The following KATNAL1 variants were observed in gnomAD, a reference collection of about 807,000 sequenced individuals.
KATNAL1 encodes the protein katanin catalytic subunit A1 like 1, also known as katanin p60 ATPase-containing subunit A-like 1.
Under a neutral mutation model 55.2 loss-of-function variants are expected in KATNAL1, and 32 were observed. The observed-to-expected ratio is 0.58, with a 90% confidence interval of 0.44 to 0.78. KATNAL1 has a LOEUF of 0.78. Ranked by LOEUF, KATNAL1 falls within the 30% of genes least tolerant of loss-of-function variation. The probability of loss-of-function intolerance (pLI) is 0.00; values close to 1 mark genes in which losing one functional copy is unlikely to be tolerated. For missense variants in KATNAL1, 466 were observed against 600.9 expected (o/e 0.78, Z 2.35); for synonymous variants, 193 against 193.6 (o/e 1.00, Z 0.02).
intron 1 of KATNAL1, among the ~76,000 whole-genome samples, chr13:30,289,050 T>C (rs890504113): frequency 1.3e-5 from 2 of 152,202 alleles, no homozygotes; most frequent in Non-Finnish European, 2.9e-5. Flanking sequence ...TTATAACACA[T>C]CTTAGCAGAC....
At chr13:30,285,649 T>G (rs1390674692) in intron 1 of KATNAL1, among the ~76,000 whole-genome samples, 2 of 152,196 alleles carry the variant, frequency 1.3e-5, no homozygotes, top group African/African-American at 2.4e-5. Flanking sequence ...AGGAGTGGTG[T>G]GCTGCTACAA....
chr13:30,204,799 G>A lies in KATNAL1; in HGVS notation c.*3741C>T, dbSNP rs1347327482. 6.6e-6 allele frequency: 1 copy of A among 152,090 alleles called. No homozygotes were observed. Among genetic ancestry groups the A allele is most frequent in the African/African-American group, 2.4e-5 (1 of 41,406 alleles). 9.4% of individuals were successfully genotyped at this position (152,090 alleles called of 1,614,324 possible). On this transcript the variant is annotated 3_prime_UTR_variant, in exon 11 of 11. Coordinates refer to ENST00000380615, the MANE Select transcript of KATNAL1 (RefSeq NM_032116.5). ...ATCTCAGAAGCTGAAATTAAGCCCT[G>A]AGCTATACAGCTAGACCACCGCATG...
intron 9 of KATNAL1, among the ~76,000 whole-genome samples, chr13:30,224,653 A>G (rs1875259876): frequency 6.6e-6 from 1 of 152,178 alleles, no homozygotes; most frequent in Non-Finnish European, 1.5e-5. Flanking sequence ...TTTAACAGAG[A>G]AGAAATCATT....
At chr13:30,274,907 G>GCGCGCGCACACACACA (rs869107567) in intron 3 of KATNAL1, among the ~76,000 whole-genome samples, 10 of 105,392 alleles carry the variant, frequency 9.5e-5, no homozygotes, top group African/African-American at 1.2e-4. Context: ...GCGCGCGCGC[G>GCGCGCGCACACACACA]CACACACACA....
At chr13:30,278,588 G>A (rs995719060) in intron 3 of KATNAL1, among the ~76,000 whole-genome samples, 3 of 152,266 alleles carry the variant, frequency 2.0e-5, no homozygotes, top group South Asian at 2.1e-4. Flanking sequence ...TATTATCTGC[G>A]GACACTGCTG....
intron 3 of KATNAL1, among the ~76,000 whole-genome samples, chr13:30,265,937 A>C (rs575377466): frequency 1.2e-3 from 172 of 142,220 alleles, no homozygotes; most frequent in Non-Finnish European, 2.0e-3. Flanking sequence ...GCTTGAACCC[A>C]GGAGGTGGAG....
chr13:30,240,452 AT>A lies in KATNAL1; in HGVS notation c.726+7del. 6.3e-7 allele frequency: 1 copy of A among 1,584,208 alleles called. No homozygotes were observed. The highest frequency in any genetic ancestry group is 8.7e-7 in the Non-Finnish European group (1 of 1,153,480). ...TCTTATATCAAAACCAATTTAATAA[AT>A]TCTCACCTTCCATGGCCTTCTAATC... On this transcript the variant is annotated splice_region_variant and intron_variant, in intron 6 of 10. Coordinates refer to ENST00000380615, the MANE Select transcript of KATNAL1 (RefSeq NM_032116.5).
At chr13:30,210,180 A>C in intron 10 of KATNAL1, 136 bp downstream of exon 10, 1 of 597,772 alleles carries the variant, frequency 1.7e-6, no homozygotes, top group African/African-American at 1.9e-5. Flanking sequence ...AAAAGGGACA[A>C]ATGGGAAACC....
chr13:30,291,879 T>C lies in KATNAL1; in HGVS notation c.-14-8088A>G, dbSNP rs960831442. On this transcript the variant is annotated intron_variant, in intron 1 of 10. Coordinates refer to ENST00000380615, the MANE Select transcript of KATNAL1 (RefSeq NM_032116.5). ...GAAGAAACCTCGTCTCTACTAAAAATATAAAACTAGCCGGGTGCGGTGGGG... is the reference window on the plus strand; with the variant it reads ...GAAGAAACCTCGTCTCTACTAAAAACATAAAACTAGCCGGGTGCGGTGGGG... Among the ~76,000 whole-genome samples, 7 of 151,624 alleles carry C rather than the reference T, an allele frequency of 4.6e-5. No individual in the cohort carries two copies. The East Asian group carries it at 9.7e-4, about 21-fold the overall frequency.
intron 3 of KATNAL1, among the ~76,000 whole-genome samples, chr13:30,275,974 T>C (rs1301797017): frequency 6.6e-6 from 1 of 152,184 alleles, no homozygotes; most frequent in African/African-American, 2.4e-5. Context: ...ACTACTTTCA[T>C]GGCTTCAGGT....
chr13:30,224,523 G>C (rs1445386849), intron 9 of KATNAL1, among the ~76,000 whole-genome samples: 1 of 148,672 alleles, frequency 6.7e-6, no homozygotes, highest in Non-Finnish European at 1.5e-5. Context: ...AACAGAGCAA[G>C]ACTCTGTCTC....
chr13:30,211,619 T>C (rs1275175524), intron 9 of KATNAL1, among the ~76,000 whole-genome samples: 1 of 152,194 alleles, frequency 6.6e-6, no homozygotes, highest in Non-Finnish European at 1.5e-5. Context: ...TGTTTTGTCT[T>C]TCATGAAATT....
At chr13:30,302,580 G>A (rs895085270) in intron 1 of KATNAL1, among the ~76,000 whole-genome samples, 6 of 152,108 alleles carry the variant, frequency 3.9e-5, no homozygotes, top group African/African-American at 1.2e-4. Flanking sequence ...AGGAATAAAC[G>A]AGAATAAAGG....
At chr13:30,286,407 A>C (rs1881792066) in intron 1 of KATNAL1, among the ~76,000 whole-genome samples, 1 of 152,272 alleles carries the variant, frequency 6.6e-6, no homozygotes, top group Non-Finnish European at 1.5e-5. Flanking sequence ...GCCAAGGTAC[A>C]ACTCAGGCCA....
At chr13:30,276,763 A>G (rs958211138) in intron 3 of KATNAL1, among the ~76,000 whole-genome samples, 14 of 152,168 alleles carry the variant, frequency 9.2e-5, no homozygotes, top group East Asian at 3.8e-4. Flanking sequence ...CCCACTGAGT[A>G]TATATGCAAA....
Position 30,240,646 on chromosome 13 carries a change from T to C in KATNAL1, c.621-81A>G, listed in dbSNP as rs976972777. On this transcript the variant is annotated intron_variant, in intron 5 of 10. Transcript: ENST00000380615. Reference sequence around the variant, plus strand: ...TCAAAACTAATTCTTTTAATTTTTTTTTACTTATGAAATTATTCTCATAGT... The same window carrying C: ...TCAAAACTAATTCTTTTAATTTTTTCTTACTTATGAAATTATTCTCATAGT... 4.1e-6 allele frequency: 4 copies of C among 968,190 alleles called. No homozygotes were observed. In the Admixed American group the frequency reaches 9.6e-5, roughly 23 times the overall value. The allele number at this position is 968,190 out of a possible 1,614,324, so 60.0% of individuals were successfully genotyped here. A position where few individuals can be genotyped will look rare whatever the true frequency, so the allele number is the denominator to read the frequency against.
At chr13:30,263,878 T>G (rs374873145) in intron 3 of KATNAL1, among the ~76,000 whole-genome samples, 47 of 148,866 alleles carry the variant, frequency 3.2e-4, no homozygotes, top group Admixed American at 8.8e-4. Flanking sequence ...AAAACTACTT[T>G]AAAGTTCATA....
intron 1 of KATNAL1, among the ~76,000 whole-genome samples, chr13:30,295,781 G>T: frequency 6.6e-6 from 1 of 152,200 alleles, no homozygotes; most frequent in South Asian, 2.1e-4. Flanking sequence ...GTTTGGAGAG[G>T]ATTGACTCCA....
intron 1 of KATNAL1, among the ~76,000 whole-genome samples, chr13:30,302,290 T>G (rs1431648838): frequency 1.3e-5 from 2 of 152,202 alleles, no homozygotes; most frequent in Non-Finnish European, 1.5e-5. Context: ...CCTATATACA[T>G]ATAAGAAACA....
Sources: allele counts gnomAD v4.1 joint callset (sites outside exome capture counted in the v4.1 genomes callset), GRCh38; gene constraint gnomAD v4.1.1; transcripts MANE v1.5; gene names NCBI Gene and HGNC (gene_info 2026-07-23, HGNC 2026-07-21).